Variants in NOS3 observed in about 807,000 individuals in gnomAD.
NOS3 encodes the protein NOS type III.
NOS3 carries 98 observed loss-of-function variants against 144.9 expected under a neutral mutation model. The ratio of observed to expected loss-of-function variants is 0.68; its 90% confidence interval spans 0.57 to 0.80. The LOEUF is 0.80. Among genes scored for constraint, NOS3 ranks in the 30% least tolerant of loss-of-function variants. The pLI, the probability that NOS3 is intolerant of heterozygous loss-of-function variation, is 0.00. For synonymous variants in NOS3, 714 were observed against 702.4 expected, an observed-to-expected ratio of 1.02 and a Z score of -0.26; for missense variants, 1,465 against 1,656.4, an observed-to-expected ratio of 0.88 and a Z score of 2.01.
chr7:151,000,147 G>T (rs1181377638), intron 9 of NOS3, among the ~76,000 whole-genome samples: 1 of 151,248 alleles, frequency 6.6e-6, no homozygotes, highest in Non-Finnish European at 1.5e-5. Context: ...TGGGTGAGGG[G>T]GGCATGGGGA....
intron 17 of NOS3, among the ~76,000 whole-genome samples, chr7:151,008,539 A>G (rs933527819): frequency 6.6e-6 from 1 of 152,202 alleles, no homozygotes; most frequent in Non-Finnish European, 1.5e-5. Flanking sequence ...TTTAATCTTC[A>G]CCAGAACACA....
intron 21 of NOS3, 46 bp from the exon 22 acceptor site, chr7:151,010,551 A>G (rs1452761551): frequency 1.3e-6 from 2 of 1,488,978 alleles, no homozygotes; most frequent in Non-Finnish European, 9.0e-7. Flanking sequence ...GGAGGTTACT[A>G]GGAAGGGCTA....
chr7:151,012,579 C>T (rs1795329785), intron 24 of NOS3, 107 bp downstream of exon 24: 4 of 1,365,906 alleles, frequency 2.9e-6, no homozygotes, highest in Non-Finnish European at 4.0e-6. Flanking sequence ...GAAACAAAGT[C>T]CACAAAGCTG....
rs1802346879 is a variant in NOS3, at chr7:150,995,237, G to A, written c.193G>A (p.Gly65Arg). 1 of 1,611,074 alleles carries A rather than the reference G, an allele frequency of 6.2e-7. No homozygotes were observed. The highest frequency in any genetic ancestry group is 8.5e-7 in the Non-Finnish European group (1 of 1,178,702). The change falls in exon 3 of 27, where the codon GGG becomes AGG. Residue 65 changes from glycine (G) to arginine (R), a missense_variant. Around this residue, in one of 5 missense-constraint regions of NOS3, gnomAD observed 374 missense variants for 377.0 expected, o/e 0.99. Coordinates refer to ENST00000297494, the MANE Select transcript of NOS3 (RefSeq NM_000603.5). ...CTCCCCGCTAACCCAGCCCCCAGAGGGGCCCAAGTTCCCTCGTGTGAAGAA... is the reference window on the plus strand; with the variant it reads ...CTCCCCGCTAACCCAGCCCCCAGAGAGGCCCAAGTTCCCTCGTGTGAAGAA... ...PSSPLTQPPE[G>R]PKFPRVKNWE... is the part of the protein sequence containing the mutation.
rs1259133308 is a variant in NOS3, at chr7:151,013,359, C to T, written c.3235C>T (p.Arg1079Trp). Reference sequence around the variant, plus strand: ...TGGCCGAGTCCTCACCGCCTTCTCCCGGGAACCTGACAACCCCAAGGTGTG... The same window carrying T: ...TGGCCGAGTCCTCACCGCCTTCTCCTGGGAACCTGACAACCCCAAGGTGTG... ...VFGRVLTAFS[R>W]EPDNPKTYVQ... The change falls in exon 25 of 27, where the codon CGG becomes TGG. Residue 1079 changes from arginine (R) to tryptophan (W), a missense_variant. Physicochemically the swap from Arg to Trp is moderately radical, Grantham distance 101. This residue lies in a region of NOS3 where 228 missense variants were observed against 227.7 expected (regional missense o/e 1.00). Transcript: ENST00000297494. The T allele has an allele frequency of 6.2e-7, 1 of 1,613,438 alleles. No homozygotes were observed. The highest frequency in any genetic ancestry group is 1.1e-5 in the South Asian group (1 of 91,046).
intron 17 of NOS3, 68 bp downstream of exon 17, chr7:151,007,344 CTGATTCTG>C: frequency 6.8e-7 from 1 of 1,469,370 alleles, no homozygotes; most frequent in South Asian, 1.3e-5. Flanking sequence ...TCACTCTGCC[CTGATTCTG>C]TTTGGTTCTT....
chr7:150,994,939 G>A (rs994538239), intron 2 of NOS3, among the ~76,000 whole-genome samples: 1 of 152,192 alleles, frequency 6.6e-6, no homozygotes. Context: ...GAAGAGGTGA[G>A]GTGGGCGCTG....
intron 14 of NOS3, among the ~76,000 whole-genome samples, chr7:151,005,282 C>T (rs770452386): frequency 3.3e-5 from 5 of 152,278 alleles, no homozygotes; most frequent in Middle Eastern, 3.4e-3. Context: ...AAATTCAAAT[C>T]GTTCTTGCTA....
In NOS3 at chr7:150,998,689, C is replaced by A; in HGVS notation, c.816+9C>A. On this transcript the variant is annotated intron_variant, in intron 7 of 26. Transcript: ENST00000297494. This position sits in a 1 kb window ranked among gnomAD's most constrained non-coding sequence, Gnocchi z 5.0. ...ACGTGGAGATCACCGAGGTGGGCAC[C>A]GAGGGCCACCCATGAGGGTGTCCCC... 1 of 1,600,822 alleles carries A rather than the reference C, an allele frequency of 6.2e-7. No individual in the cohort carries two copies.
intron 24 of NOS3, 37 bp from the exon 25 acceptor site, chr7:151,013,194 C>G (rs113526171): frequency 1.9e-6 from 3 of 1,592,562 alleles, no homozygotes; most frequent in South Asian, 2.3e-5. Flanking sequence ...CACTGTGCCC[C>G]GGAGAAGAGC....
chr7:150,995,173 C>G, intron 2 of NOS3, 30 bp from the exon 3 acceptor site: 1 of 1,319,546 alleles, frequency 7.6e-7, no homozygotes, highest in Non-Finnish European at 1.1e-6. Context: ...ACAAACCCTT[C>G]CTGATGACCC....
At position 151,003,386 on chromosome 7, in the gene NOS3, A is replaced by G. The variant is rs1795153902; in HGVS notation, c.1752+1082A>G. 8.2e-7 allele frequency: 1 copy of G among 1,226,224 alleles called. No individual in the cohort carries two copies. Among genetic ancestry groups the G allele is most frequent in the East Asian group, 5.8e-5 (1 of 17,282 alleles). 76.0% of individuals were successfully genotyped at this position (1,226,224 alleles called of 1,614,324 possible). On this transcript the variant is annotated intron_variant, in intron 14 of 26. Coordinates refer to ENST00000297494, the MANE Select transcript of NOS3 (RefSeq NM_000603.5). This position sits in a 1 kb window ranked among gnomAD's most constrained non-coding sequence, Gnocchi z 4.1. ...AGCAATCCACCTGCCTCGGCCTCCC[A>G]AAGTGCTGCGATTATAGACGTGAGC...
intron 10 of NOS3, among the ~76,000 whole-genome samples, chr7:151,000,940 G>A (rs889083215): frequency 6.6e-5 from 10 of 152,156 alleles, no homozygotes; most frequent in East Asian, 5.8e-4. Context: ...ACCAGGAGTC[G>A]TAGTTTGAGG....
rs772782036 is a variant in NOS3, at chr7:151,009,018, G to A, written c.2201G>A (p.Arg734Lys). 5 of 1,612,270 alleles carry A rather than the reference G, an allele frequency of 3.1e-6. No homozygotes were observed. The highest frequency in any genetic ancestry group is 1.3e-5 in the African/African-American group (1 of 74,908). ...FSPKRSWKRQ[R>K]YRLSAQAEGL... The stretch of plus-strand genomic sequence containing the variant: ...CCCAAACGGAGCTGGAAGCGCCAGA[G>A]GTACCGGCTGAGCGCCCAGGCCGAG... The change falls in exon 18 of 27, where the codon AGG becomes AAG. Residue 734 changes from arginine (R) to lysine (K), a missense_variant. Around this residue, in one of 5 missense-constraint regions of NOS3, gnomAD observed 745 missense variants for 853.9 expected, o/e 0.87. Transcript: ENST00000297494.
rs921443199 is a variant in NOS3 at position 150,993,316 on chromosome 7, A to G, written c.-51-437A>G. On this transcript the variant is annotated intron_variant, in intron 1 of 26. Transcript: ENST00000297494. This position sits in a 1 kb window ranked among gnomAD's most constrained non-coding sequence, Gnocchi z 4.0. ...AAGGAGAGAACCTGCATGACCCTAG[A>G]GGTCCCTGTGGTCACTGAGAGTGTG... Among the ~76,000 whole-genome samples, 6 of 151,994 alleles carry G rather than the reference A, an allele frequency of 3.9e-5. No homozygotes were observed. Among genetic ancestry groups the G allele is most frequent in the African/African-American group, 7.3e-5 (3 of 41,268 alleles).
intron 2 of NOS3, among the ~76,000 whole-genome samples, chr7:150,994,764 G>A (rs866800529): frequency 1.4e-4 from 22 of 152,302 alleles, no homozygotes; most frequent in Admixed American, 1.0e-3. Context: ...AGGCCTGCGA[G>A]GCTTCCCTTC....
intron 13 of NOS3, 34 bp downstream of exon 13, chr7:151,001,999 A>G: frequency 6.2e-7 from 1 of 1,610,686 alleles, no homozygotes; most frequent in South Asian, 1.1e-5. Context: ...GGGAGCTAGA[A>G]AGAGGGGGCT....
chr7:150,992,802 G>A (rs3918225), intron 1 of NOS3, among the ~76,000 whole-genome samples: 1,599 of 152,232 alleles, frequency 0.011, 10 homozygotes, highest in Admixed American at 0.014. Context: ...ACGAGGCTTC[G>A]ACCCCTGTGG....
chr7:150,996,627 A>AC, intron 4 of NOS3, 75 bp downstream of exon 4: 1 of 1,506,626 alleles, frequency 6.6e-7, no homozygotes, highest in Non-Finnish European at 9.0e-7. Context: ...CCTTCCCATG[A>AC]CCCCCTCCCT....
Sources: allele counts gnomAD v4.1 joint callset (sites outside exome capture counted in the v4.1 genomes callset), GRCh38; gene constraint gnomAD v4.1.1; regional missense constraint gnomAD v4.1.1; non-coding constraint Gnocchi (gnomAD v3.1); transcripts MANE v1.5; gene names NCBI Gene and HGNC (gene_info 2026-07-23, HGNC 2026-07-21).